Variants in DSCAM observed in about 807,000 individuals in gnomAD.
DSCAM encodes DS cell adhesion molecule, also known as cell adhesion molecule DSCAM.
Under a neutral mutation model 217.7 loss-of-function variants are expected in DSCAM, and 47 were observed. That is an observed-to-expected ratio of 0.22 (90% CI 0.17 to 0.28). DSCAM has a LOEUF of 0.28. Ranked by LOEUF, DSCAM falls within the 10% of genes least tolerant of loss-of-function variation. The probability of loss-of-function intolerance (pLI) is 1.00; values close to 1 mark genes in which losing one functional copy is unlikely to be tolerated. For synonymous variants in DSCAM, 1,056 were observed against 1,015.3 expected (o/e 1.04, Z -0.76); for missense variants, 2,080 against 2,618.3 (o/e 0.79, Z 4.49).
intron 8 of DSCAM, among the ~76,000 whole-genome samples, chr21:40,325,322 G>T (rs775281071): frequency 6.6e-6 from 1 of 152,098 alleles, no homozygotes; most frequent in African/African-American, 2.4e-5. Context: ...TAACTGACTC[G>T]ATATAGATAG....
chr21:40,021,772 C>T (rs922545755), intron 32 of DSCAM, among the ~76,000 whole-genome samples: 1 of 152,166 alleles, frequency 6.6e-6, no homozygotes, highest in African/African-American at 2.4e-5. Context: ...ACTAGTATCA[C>T]AAGCTCCTCC....
intron 3 of DSCAM, among the ~76,000 whole-genome samples, chr21:40,542,674 C>T (rs1252761982): frequency 1.3e-5 from 2 of 152,224 alleles, no homozygotes; most frequent in African/African-American, 2.4e-5. Flanking sequence ...TGATCTCAGA[C>T]TTCCAGCCCC....
At chr21:40,793,237 A>G (rs2091662796) in intron 1 of DSCAM, among the ~76,000 whole-genome samples, 1 of 152,176 alleles carries the variant, frequency 6.6e-6, no homozygotes, top group Admixed American at 6.5e-5. Flanking sequence ...CGTGCCAAGA[A>G]GTGGCTGGCT....
intron 27 of DSCAM, among the ~76,000 whole-genome samples, chr21:40,063,456 T>C (rs2146521334): frequency 6.6e-6 from 1 of 152,284 alleles, no homozygotes; most frequent in South Asian, 2.1e-4. Flanking sequence ...TTACCACTCT[T>C]GACAGAAGGA....
chr21:40,760,659 G>A (rs1190324110), intron 1 of DSCAM, among the ~76,000 whole-genome samples: 2 of 152,230 alleles, frequency 1.3e-5, no homozygotes, highest in African/African-American at 4.8e-5. Flanking sequence ...TGCCACCCAG[G>A]TAGAGGAACC....
intron 28 of DSCAM, 70 bp downstream of exon 28, chr21:40,062,799 G>T: frequency 7.0e-7 from 1 of 1,424,580 alleles, no homozygotes; most frequent in Non-Finnish European, 9.5e-7. Flanking sequence ...TAAAAAAATA[G>T]AAATCATCAA....
intron 1 of DSCAM, among the ~76,000 whole-genome samples, chr21:40,775,495 G>A (rs149460775): frequency 1.9e-4 from 29 of 152,224 alleles, no homozygotes; most frequent in Non-Finnish European, 3.1e-4. Context: ...CATCCAATTC[G>A]CTGGGCACCA....
In DSCAM at chr21:40,331,766, T is replaced by C. The variant is rs74981100; in HGVS notation, c.1783+6335A>G. On this transcript the variant is annotated intron_variant, in intron 8 of 32. Coordinates refer to ENST00000400454, the MANE Select transcript of DSCAM (RefSeq NM_001389.5). ...GCGAATGTTTCTGTTGTTCTCTGCATTCCTAGCATGGCCATTTCATCTCAC... is the reference window on the plus strand; with the variant it reads ...GCGAATGTTTCTGTTGTTCTCTGCACTCCTAGCATGGCCATTTCATCTCAC... 5.6e-3 allele frequency among the ~76,000 whole-genome samples: 854 copies of C among 152,364 alleles called. 3 individuals are homozygous for C. Among genetic ancestry groups the C allele is most frequent in the Middle Eastern group, 0.037 (11 of 294 alleles).
rs542845830 is a variant in DSCAM at position 40,492,600 on chromosome 21, T to C, written c.509-123355A>G. Among the ~76,000 whole-genome samples the C allele has an allele frequency of 1.3e-3, 189 of 150,252 alleles. 1 individual carries two copies. The highest frequency in any genetic ancestry group is 4.5e-3 in the African/African-American group (185 of 40,864). On this transcript the variant is annotated intron_variant, in intron 3 of 32. Coordinates refer to ENST00000400454, the MANE Select transcript of DSCAM (RefSeq NM_001389.5). ...AAAATACAATCGAGGAGCAGAAAAA[T>C]GCAATAAAGGTCATCAACAGTAGAC...
chr21:40,215,854 G>A (rs1008463169), intron 11 of DSCAM, among the ~76,000 whole-genome samples: 4 of 151,520 alleles, frequency 2.6e-5, no homozygotes, highest in Non-Finnish European at 4.4e-5. Context: ...TGCATGCTAA[G>A]TAGGTAGAAC....
intron 3 of DSCAM, among the ~76,000 whole-genome samples, chr21:40,613,201 T>C (rs1252814063): frequency 6.6e-6 from 1 of 152,192 alleles, no homozygotes; most frequent in Non-Finnish European, 1.5e-5. Context: ...TCTCACCTCA[T>C]TGTAGCTAAT....
chr21:40,292,048 A>G (rs1315210713), intron 10 of DSCAM, among the ~76,000 whole-genome samples: 2 of 141,200 alleles, frequency 1.4e-5, no homozygotes, highest in East Asian at 3.9e-4. Context: ...CCCACCTCAG[A>G]ATGAAGCCCT....
intron 30 of DSCAM, among the ~76,000 whole-genome samples, chr21:40,048,773 A>T (rs2088882658): frequency 6.6e-6 from 1 of 152,182 alleles, no homozygotes; most frequent in Non-Finnish European, 1.5e-5. Context: ...GGCTCCATGG[A>T]ATTCACAGAG....
intron 9 of DSCAM, among the ~76,000 whole-genome samples, chr21:40,306,317 G>T (rs2123475960): frequency 6.6e-6 from 1 of 150,408 alleles, no homozygotes; most frequent in African/African-American, 2.5e-5. Context: ...TGCTGAAGTT[G>T]CTTATCAGCT....
At chr21:40,479,955 G>A (rs1230039532) in intron 3 of DSCAM, among the ~76,000 whole-genome samples, 2 of 152,124 alleles carry the variant, frequency 1.3e-5, no homozygotes, top group African/African-American at 4.8e-5. Flanking sequence ...GGTCTTTTGT[G>A]CCAGGTAAAT....
intron 30 of DSCAM, among the ~76,000 whole-genome samples, chr21:40,045,904 T>C (rs2088834869): frequency 6.6e-6 from 1 of 152,206 alleles, no homozygotes; most frequent in Admixed American, 6.5e-5. Flanking sequence ...GATCCATTCA[T>C]AGAGCCTACA....
chr21:40,686,211 A>ACT (rs1601849379), intron 3 of DSCAM, among the ~76,000 whole-genome samples: 1 of 32,162 alleles, frequency 3.1e-5, no homozygotes, highest in East Asian at 6.8e-3. Flanking sequence ...CGTACTCCAC[A>ACT]CACACACACA....
chr21:40,517,280 G>A (rs2076309057), intron 3 of DSCAM, among the ~76,000 whole-genome samples: 1 of 148,062 alleles, frequency 6.8e-6, no homozygotes, highest in African/African-American at 2.5e-5. Context: ...TTATATTTGT[G>A]TATTTATATA....
chr21:40,108,341 A>T (rs561397071), intron 20 of DSCAM, among the ~76,000 whole-genome samples: 1 of 152,338 alleles, frequency 6.6e-6, no homozygotes, highest in South Asian at 2.1e-4. Context: ...AATCACTAGC[A>T]TTCCTATCCT....
Sources: allele counts gnomAD v4.1 joint callset (sites outside exome capture counted in the v4.1 genomes callset), GRCh38; gene constraint gnomAD v4.1.1; transcripts MANE v1.5; gene names NCBI Gene and HGNC (gene_info 2026-07-23, HGNC 2026-07-21).